Variants in SOX6 observed in about 807,000 individuals in gnomAD.
The protein encoded by SOX6 is SRY-box transcription factor 6, also known as transcription factor SOX-6.
Under a neutral mutation model 97.8 loss-of-function variants are expected in SOX6, and 11 were observed. The observed-to-expected ratio is 0.11, with a 90% CI of 0.07 to 0.19. SOX6 has a LOEUF of 0.19. Among genes scored for constraint, SOX6 ranks in the 10% least tolerant of loss-of-function variants. The pLI is 1.00. For missense variants in SOX6, 810 were observed against 1,039.5 expected (o/e 0.78, Z 3.04); for synonymous variants, 360 against 371.4 (o/e 0.97, Z 0.35).
At chr11:16,380,302 CT>C in intron 1 of SOX6, among the ~76,000 whole-genome samples, 1 of 152,124 alleles carries the variant, frequency 6.6e-6, no homozygotes, top group African/African-American at 2.4e-5. Flanking sequence ...AAGATCCCAT[CT>C]TTCCTTTAAA....
intron 2 of SOX6, among the ~76,000 whole-genome samples, chr11:16,727,290 C>CT (rs557437543): frequency 0.028 from 2,576 of 92,990 alleles, 63 homozygotes; most frequent in African/African-American, 0.058. Flanking sequence ...ATTCACCTTG[C>CT]TTTTTTTTTT....
chr11:16,684,680 T>C (rs895890632), intron 3 of SOX6, among the ~76,000 whole-genome samples: 2 of 152,016 alleles, frequency 1.3e-5, no homozygotes, highest in African/African-American at 4.8e-5. Context: ...TGTATACCTA[T>C]GTAGCAAACC....
chr11:16,700,476 T>C (rs1226745702), intron 3 of SOX6, among the ~76,000 whole-genome samples: 1 of 152,208 alleles, frequency 6.6e-6, no homozygotes, highest in Non-Finnish European at 1.5e-5. Context: ...CTCCATTTGC[T>C]TTGCCCCATC....
At chr11:16,052,189 C>T (rs1847702651) in intron 10 of SOX6, among the ~76,000 whole-genome samples, 1 of 152,094 alleles carries the variant, frequency 6.6e-6, no homozygotes, top group South Asian at 2.1e-4. Context: ...AATAATACCA[C>T]TGGGCATGGC....
At chr11:16,128,321 C>T (rs1449533486) in intron 6 of SOX6, among the ~76,000 whole-genome samples, 1 of 152,196 alleles carries the variant, frequency 6.6e-6, no homozygotes, top group Non-Finnish European at 1.5e-5. Context: ...TGTCTCACTA[C>T]AGTAAGTTCT....
At chr11:16,160,114 GTTTACGGTTTAAGGTACAAGATA>G (rs1564990292) in intron 6 of SOX6, among the ~76,000 whole-genome samples, 1 of 152,126 alleles carries the variant, frequency 6.6e-6, no homozygotes, top group African/African-American at 2.4e-5. Flanking sequence ...TACAAGATAG[GTTTACGGTTTAAGGTACAAGATA>G]TTTACTAGGG....
chr11:16,418,351 G>A (rs1341230213), intron 1 of SOX6, among the ~76,000 whole-genome samples: 2 of 152,114 alleles, frequency 1.3e-5, no homozygotes, highest in Non-Finnish European at 2.9e-5. Flanking sequence ...GGATCCAAAT[G>A]CATTGCAAGA....
At chr11:16,583,614 C>CAGATATATATATAT (rs1848053211) in intron 4 of SOX6, among the ~76,000 whole-genome samples, 1 of 104,706 alleles carries the variant, frequency 9.6e-6, no homozygotes, top group African/African-American at 3.3e-5. Flanking sequence ...TATATATATA[C>CAGATATATATATAT]ATATATATAT....
At chr11:16,257,363 T>C (rs990207247) in intron 3 of SOX6, among the ~76,000 whole-genome samples, 7 of 151,658 alleles carry the variant, frequency 4.6e-5, no homozygotes, top group Non-Finnish European at 8.9e-5. Context: ...AGAAAAAAAA[T>C]CGTTGAATGG....
At chr11:16,484,617 C>T in intron 4 of SOX6, 2 of 677,138 alleles carry the variant, frequency 3.0e-6, no homozygotes, top group South Asian at 3.2e-5. Context: ...TTCCAGGTGC[C>T]CAGCCCCAGG....
intron 3 of SOX6, among the ~76,000 whole-genome samples, chr11:16,656,032 T>C (rs977298725): frequency 6.6e-6 from 1 of 152,044 alleles, no homozygotes; most frequent in Non-Finnish European, 1.5e-5. Flanking sequence ...TGAAATGCCA[T>C]ATTGGCATCC....
At chr11:16,089,055 C>A (rs551382107) in intron 9 of SOX6, among the ~76,000 whole-genome samples, 1 of 152,150 alleles carries the variant, frequency 6.6e-6, no homozygotes, top group South Asian at 2.1e-4. Context: ...GGTATGGTAG[C>A]TGGTGCTATA....
intron 3 of SOX6, among the ~76,000 whole-genome samples, chr11:16,666,179 C>T (rs1016694962): frequency 6.8e-6 from 1 of 146,762 alleles, no homozygotes; most frequent in Non-Finnish European, 1.5e-5. Flanking sequence ...TCAACACCGT[C>T]AGGAAAACAT....
rs1180947965 is a variant in SOX6 at position 16,466,787 on chromosome 11, C to T, written c.-5+9528G>A. On this transcript the variant is annotated intron_variant, in intron 1 of 15. Transcript: ENST00000396356. ...CTACTAAAAATACAAAAAAATTAGC[C>T]GGGCGTAGTGGCGGGCGCCTGTAGT... is the stretch of plus-strand genomic sequence containing the variant. Among the ~76,000 whole-genome samples the T allele has an allele frequency of 5.3e-5, 8 of 150,250 alleles. No individual in the cohort carries two copies. In the South Asian group the frequency reaches 8.4e-4, roughly 16 times the overall value.
chr11:16,594,683 G>GTTTTTTTTT lies in SOX6; in HGVS notation n.609+17397_609+17398insAAAAAAAAA, dbSNP rs1565188995. On this transcript the variant is annotated intron_variant and non_coding_transcript_variant, in intron 4 of 5. Transcript: ENST00000524520. ...AATTTTTATTTTCTTTTCGGTTTTT[G>GTTTTTTTTT]CTTTTTTTTTTTTTTTTTTTTTTTT... Among the ~76,000 whole-genome samples the GTTTTTTTTT allele has an allele frequency of 3.2e-3, 155 of 47,802 alleles. 6 individuals carry two copies. The highest frequency in any genetic ancestry group is 0.012 in the African/African-American group (150 of 12,424). 31.4% of individuals were successfully genotyped at this position (47,802 alleles called of 152,430 possible).
chr11:16,046,759 A>T (rs1261825710), intron 11 of SOX6, 58 bp from the exon 12 acceptor site: 1 of 1,527,978 alleles, frequency 6.5e-7, no homozygotes. Flanking sequence ...AAAAAGTACT[A>T]CTACTATCCC....
intron 6 of SOX6, among the ~76,000 whole-genome samples, chr11:16,142,251 T>C (rs1337291838): frequency 6.6e-6 from 1 of 152,070 alleles, no homozygotes; most frequent in African/African-American, 2.4e-5. Flanking sequence ...GGGTCTGGAG[T>C]GGACCTCCAG....
chr11:16,577,228 T>C (rs1008988203), intron 4 of SOX6: 5 of 152,168 alleles, frequency 3.3e-5, no homozygotes, highest in Admixed American at 1.3e-4. Flanking sequence ...CACACACAAA[T>C]GTACATTATT....
At chr11:16,465,136 C>G (rs1210645849) in intron 1 of SOX6, among the ~76,000 whole-genome samples, 3 of 152,128 alleles carry the variant, frequency 2.0e-5, no homozygotes, top group Non-Finnish European at 2.9e-5. Context: ...TCAAAGTTTT[C>G]TGACACTCAA....
Sources: gnomAD v4.1 joint callset for allele counts (sites outside exome capture counted in the v4.1 genomes callset) on GRCh38, gnomAD v4.1.1 for gene constraint, MANE v1.5 for transcripts, NCBI Gene and HGNC (gene_info 2026-07-23, HGNC 2026-07-21) for gene names.